Variants in CDKAL1 observed in about 807,000 individuals in gnomAD.
The protein encoded by CDKAL1 is CDKAL1 threonylcarbamoyladenosine tRNA methylthiotransferase.
In CDKAL1, 32 loss-of-function variants were observed where a neutral mutation model predicts 68.2. The ratio of observed to expected loss-of-function variants is 0.47; its 90% CI spans 0.35 to 0.63. CDKAL1 has a LOEUF of 0.63. CDKAL1 is among the 30% of genes least tolerant of loss of function. The pLI is 0.00. For synonymous variants in CDKAL1, 234 were observed against 244.3 expected (o/e 0.96, Z 0.39); for missense variants, 606 against 696.7 (o/e 0.87, Z 1.47).
intron 9 of CDKAL1, among the ~76,000 whole-genome samples, chr6:20,945,847 AT>A (rs1466357817): frequency 6.6e-6 from 1 of 152,156 alleles, no homozygotes; most frequent in Non-Finnish European, 1.5e-5. Context: ...TGTTTTGTAT[AT>A]TTTGGTCAAT....
At chr6:20,567,188 T>C (rs1020155130) in intron 4 of CDKAL1, among the ~76,000 whole-genome samples, 3 of 150,080 alleles carry the variant, frequency 2.0e-5, no homozygotes, top group Admixed American at 6.6e-5. Context: ...AATATGTTGG[T>C]GCAAAAGTAA....
At chr6:20,894,379 A>G (rs77786848) in intron 9 of CDKAL1, among the ~76,000 whole-genome samples, 5,690 of 141,636 alleles carry the variant, frequency 0.04, 161 homozygotes, top group Middle Eastern at 0.065. Context: ...CTCTTAGCCT[A>G]CACCCCACAT....
At chr6:21,023,431 A>T (rs755121814) in intron 11 of CDKAL1, among the ~76,000 whole-genome samples, 1 of 152,146 alleles carries the variant, frequency 6.6e-6, no homozygotes. Flanking sequence ...CTTTGAGGGC[A>T]GTGTTTTGAT....
At chr6:20,541,152 A>T (rs1228046526) in intron 2 of CDKAL1, among the ~76,000 whole-genome samples, 1 of 151,942 alleles carries the variant, frequency 6.6e-6, no homozygotes, top group African/African-American at 2.4e-5. Context: ...TTTTTTCCAG[A>T]TAGGTAGTAA....
intron 12 of CDKAL1, among the ~76,000 whole-genome samples, chr6:21,070,483 T>C (rs1391428184): frequency 2.6e-5 from 4 of 151,538 alleles, no homozygotes; most frequent in Non-Finnish European, 5.9e-5. Flanking sequence ...ATAAATGTTA[T>C]ATCCACAGAT....
intron 11 of CDKAL1, among the ~76,000 whole-genome samples, chr6:21,048,863 T>C (rs1490128152): frequency 6.6e-6 from 1 of 152,146 alleles, no homozygotes; most frequent in Non-Finnish European, 1.5e-5. Context: ...TGCCTAACTT[T>C]GTAGATTTTG....
chr6:21,081,910 CT>C (rs1772427639), intron 12 of CDKAL1, among the ~76,000 whole-genome samples: 1 of 151,956 alleles, frequency 6.6e-6, no homozygotes, highest in Non-Finnish European at 1.5e-5. Context: ...TATTTTTGTT[CT>C]GTGATAAGTA....
At chr6:20,751,401 A>G (rs1773914924) in intron 6 of CDKAL1, among the ~76,000 whole-genome samples, 1 of 152,346 alleles carries the variant, frequency 6.6e-6, no homozygotes, top group African/African-American at 2.4e-5. Context: ...CTATTTAAAT[A>G]TGAATTAAGT....
chr6:20,901,542 A>G (rs928319614), intron 9 of CDKAL1, among the ~76,000 whole-genome samples: 9 of 151,194 alleles, frequency 6.0e-5, no homozygotes, highest in Non-Finnish European at 1.2e-4. Flanking sequence ...TTAGCCGGGC[A>G]TGGTGGCGGG....
chr6:21,184,157 A>G (rs1418698331), intron 13 of CDKAL1, among the ~76,000 whole-genome samples: 2 of 151,958 alleles, frequency 1.3e-5, no homozygotes, highest in Non-Finnish European at 2.9e-5. Context: ...AGGCCCTAAA[A>G]AAATGAAAAT....
Position 20,893,606 on chromosome 6 carries a change from T to C in CDKAL1, c.742+47428T>C, listed in dbSNP as rs146167254. 2.3e-3 allele frequency among the ~76,000 whole-genome samples: 352 copies of C among 152,346 alleles called. 1 individual carries two copies. Among genetic ancestry groups the C allele is most frequent in the African/African-American group, 7.9e-3 (328 of 41,580 alleles). On this transcript the variant is annotated intron_variant, in intron 9 of 15. Transcript: ENST00000274695. The stretch of plus-strand genomic sequence containing the variant: ...CTAAGGCTTTCTATCTGATAGTATG[T>C]AGAATATGCAGTGGTTACATACTTC...
chr6:21,007,286 C>T (rs185842092), intron 11 of CDKAL1, among the ~76,000 whole-genome samples: 53 of 151,712 alleles, frequency 3.5e-4, no homozygotes, highest in Non-Finnish European at 6.6e-4. Context: ...AAAAATTAGC[C>T]AGGTGTGGTG....
intron 8 of CDKAL1, among the ~76,000 whole-genome samples, chr6:20,807,970 T>C (rs1241512144): frequency 6.6e-6 from 1 of 152,238 alleles, no homozygotes. Context: ...GTAAATGACA[T>C]GCTGAAAGGT....
At chr6:20,714,394 T>C (rs1301897450) in intron 5 of CDKAL1, among the ~76,000 whole-genome samples, 1 of 136,282 alleles carries the variant, frequency 7.3e-6, no homozygotes, top group African/African-American at 2.7e-5. Flanking sequence ...TTTTTTTTTT[T>C]TTTTTTTTTT....
intron 8 of CDKAL1, among the ~76,000 whole-genome samples, chr6:20,822,426 C>T (rs1298626143): frequency 1.3e-5 from 2 of 152,088 alleles, no homozygotes; most frequent in African/African-American, 4.8e-5. Flanking sequence ...CTCCCATACT[C>T]GATAATCAGA....
chr6:20,997,857 G>A (rs951926239), intron 10 of CDKAL1, among the ~76,000 whole-genome samples: 12 of 151,906 alleles, frequency 7.9e-5, no homozygotes, highest in Admixed American at 2.6e-4. Context: ...ATATAAAATT[G>A]TGATACAGGG....
At chr6:20,997,390 A>T (rs1767176992) in intron 10 of CDKAL1, among the ~76,000 whole-genome samples, 1 of 152,222 alleles carries the variant, frequency 6.6e-6, no homozygotes, top group South Asian at 2.1e-4. Flanking sequence ...GTGTTAAGTC[A>T]TGATTCTCTC....
chr6:20,560,910 T>C (rs1051351836), intron 4 of CDKAL1, among the ~76,000 whole-genome samples: 9 of 152,204 alleles, frequency 5.9e-5, no homozygotes, highest in African/African-American at 1.7e-4. Context: ...GAGTTGTGGC[T>C]ATACATGATT....
chr6:21,125,890 C>T (rs1328116669), intron 13 of CDKAL1, among the ~76,000 whole-genome samples: 2 of 152,180 alleles, frequency 1.3e-5, no homozygotes, highest in African/African-American at 4.8e-5. Flanking sequence ...CTTCCCCGAC[C>T]TCATTGTGTG....
Sources: gnomAD v4.1 joint callset for allele counts (sites outside exome capture counted in the v4.1 genomes callset) on GRCh38, gnomAD v4.1.1 for gene constraint, MANE v1.5 for transcripts, NCBI Gene and HGNC (gene_info 2026-07-23, HGNC 2026-07-21) for gene names.